The following ZFHX4 variants were observed in gnomAD, a reference collection of about 807,000 sequenced individuals.
ZFHX4 encodes the protein zinc finger homeobox 4.
ZFHX4 carries 56 observed loss-of-function variants against 267.6 expected under a neutral mutation model. That is an observed-to-expected ratio of 0.21 (90% confidence interval 0.17 to 0.26). ZFHX4 has a LOEUF of 0.26. ZFHX4 is among the 10% of genes least tolerant of loss of function. ZFHX4 has a pLI of 1.00. For missense variants in ZFHX4, 4,332 were observed against 4,420.0 expected (o/e 0.98, Z 0.56); for synonymous variants, 1,778 against 1,665.6 (o/e 1.07, Z -1.64).
intron 3 of ZFHX4, chr8:76,708,345 T>G (rs566462045): frequency 4.2e-4 from 139 of 330,962 alleles, no homozygotes; most frequent in African/African-American, 2.9e-3. Context: ...AAATAATACT[T>G]TTTAAACCTA....
chr8:76,820,048 T>G (rs1811608748), intron 4 of ZFHX4, among the ~76,000 whole-genome samples: 2 of 152,196 alleles, frequency 1.3e-5, no homozygotes, highest in African/African-American at 2.4e-5. Flanking sequence ...TTACTTACAT[T>G]TTTCAGTGAA....
At chr8:76,793,806 A>G (rs928478625) in intron 4 of ZFHX4, among the ~76,000 whole-genome samples, 36 of 151,894 alleles carry the variant, frequency 2.4e-4, no homozygotes, top group African/African-American at 8.7e-4. Context: ...TGGTGGTAAG[A>G]TTATCATTAT....
intron 3 of ZFHX4, among the ~76,000 whole-genome samples, chr8:76,760,361 T>C (rs771515155): frequency 6.6e-6 from 1 of 152,172 alleles, no homozygotes; most frequent in Non-Finnish European, 1.5e-5. Context: ...GTCTTTACTA[T>C]TGAGCATCTA....
At chr8:76,747,165 A>T (rs986598512) in intron 3 of ZFHX4, among the ~76,000 whole-genome samples, 1 of 152,158 alleles carries the variant, frequency 6.6e-6, no homozygotes, top group African/African-American at 2.4e-5. Flanking sequence ...GAATTTGTCA[A>T]ATTCCTTTTA....
rs191655698 is a variant in ZFHX4 at position 76,755,519 on chromosome 8, G to A, written c.3094-22689G>A. On this transcript the variant is annotated intron_variant, in intron 3 of 10. Transcript: ENST00000651372. Reference sequence around the variant, plus strand: ...AAGATGCCATAGGTAATATAAAAGCGCGGCTAAACATTATTATTCTCAGTA... The same window carrying A: ...AAGATGCCATAGGTAATATAAAAGCACGGCTAAACATTATTATTCTCAGTA... Among the ~76,000 whole-genome samples the A allele has an allele frequency of 2.4e-4, 37 of 152,176 alleles. No homozygotes were observed. The East Asian group carries it at 2.9e-3, about 12-fold the overall frequency.
intron 3 of ZFHX4, among the ~76,000 whole-genome samples, chr8:76,737,320 T>C (rs1454728188): frequency 6.6e-6 from 1 of 152,194 alleles, no homozygotes; most frequent in East Asian, 1.9e-4. Flanking sequence ...TTAAAAAGCT[T>C]GTGCATTTGT....
At chr8:76,790,337 A>G (rs937136113) in intron 4 of ZFHX4, among the ~76,000 whole-genome samples, 1 of 152,148 alleles carries the variant, frequency 6.6e-6, no homozygotes, top group African/African-American at 2.4e-5. Context: ...AGGCACAGAT[A>G]TTAGATAATC....
rs1452578680 is a variant in ZFHX4, at chr8:76,705,305, T to C, written c.1217T>C (p.Val406Ala). Residue 406 changes from valine (V) to alanine (A), a missense_variant, in exon 2 of 11, where the codon GTG (valine) becomes GCG (alanine). Coordinates refer to ENST00000651372, the MANE Select transcript of ZFHX4 (RefSeq NM_024721.5). ...ATTACCCAAATGCCAAAGGCTGAAG[T>C]GAATCTGGGGGGGCTGTCTAGTTTA... ...LGITQMPKAE[V>A]NLGGLSSLVV... 2 of 1,613,840 alleles carry C rather than the reference T, an allele frequency of 1.2e-6. No individual in the cohort carries two copies. The highest frequency in any genetic ancestry group is 1.7e-6 in the Non-Finnish European group (2 of 1,179,902).
intron 10 of ZFHX4, among the ~76,000 whole-genome samples, chr8:76,861,078 G>C (rs924216831): frequency 3.9e-5 from 6 of 152,108 alleles, no homozygotes; most frequent in Admixed American, 6.5e-5. Flanking sequence ...TTGGATTAAA[G>C]ATCAGAGAGT....
At chr8:76,730,197 A>C (rs1444248620) in intron 3 of ZFHX4, among the ~76,000 whole-genome samples, 1 of 152,138 alleles carries the variant, frequency 6.6e-6, no homozygotes, top group Non-Finnish European at 1.5e-5. Flanking sequence ...CCATCCCCCA[A>C]AGAGGTCCAT....
intron 4 of ZFHX4, among the ~76,000 whole-genome samples, chr8:76,818,635 GT>G (rs1361228355): frequency 5.9e-5 from 9 of 152,120 alleles, no homozygotes; most frequent in Admixed American, 2.0e-4. Flanking sequence ...ATCTAGAACA[GT>G]CACGGTGGCT....
At chr8:76,783,045 A>T (rs543179114) in intron 4 of ZFHX4, among the ~76,000 whole-genome samples, 10 of 151,918 alleles carry the variant, frequency 6.6e-5, no homozygotes, top group Non-Finnish European at 1.5e-4. Context: ...TATTCCTACC[A>T]TTGTTTACCA....
intron 5 of ZFHX4, chr8:76,833,670 A>C (rs1354813751): frequency 2.8e-6 from 1 of 361,962 alleles, no homozygotes; most frequent in Non-Finnish European, 5.2e-6. Context: ...AGCCTCCTTC[A>C]TTATCACTGC....
chr8:76,813,186 A>C (rs1811421006), intron 4 of ZFHX4, among the ~76,000 whole-genome samples: 1 of 152,148 alleles, frequency 6.6e-6, no homozygotes, highest in Non-Finnish European at 1.5e-5. Context: ...GGAGGGGAAG[A>C]ACTCTCTGTT....
intron 1 of ZFHX4, among the ~76,000 whole-genome samples, chr8:76,681,873 T>C (rs1055618883): frequency 6.6e-6 from 1 of 152,058 alleles, no homozygotes; most frequent in Non-Finnish European, 1.5e-5. Flanking sequence ...AAGGTTTTGC[T>C]CCGCTGAGGG....
chr8:76,706,769 C>G (rs1052062725), intron 2 of ZFHX4, 91 bp downstream of exon 2: 12 of 1,339,722 alleles, frequency 9.0e-6, no homozygotes, highest in African/African-American at 1.5e-5. Flanking sequence ...TGAGTGCCAA[C>G]AAATTGAGGA....
At chr8:76,780,681 T>A (rs1810523943) in intron 4 of ZFHX4, among the ~76,000 whole-genome samples, 2 of 152,134 alleles carry the variant, frequency 1.3e-5, no homozygotes, top group African/African-American at 4.8e-5. Context: ...TTTTCAGAGA[T>A]AAGGATAGAT....
At chr8:76,789,259 C>T (rs1810773872) in intron 4 of ZFHX4, among the ~76,000 whole-genome samples, 1 of 152,090 alleles carries the variant, frequency 6.6e-6, no homozygotes, top group African/African-American at 2.4e-5. Flanking sequence ...AACATTTTGG[C>T]TAAATTCTGT....
Position 76,715,481 on chromosome 8 carries a change from T to TAAA in ZFHX4, c.3093+7458_3093+7460dup, listed in dbSNP as rs764567552. On this transcript the variant is annotated intron_variant, in intron 3 of 10. Coordinates refer to ENST00000651372, the MANE Select transcript of ZFHX4 (RefSeq NM_024721.5). ...TGGGCAACAGAACAAGACTCCATCT[T>TAAA]AAAAAAAAAAAAAAAAAAAAAAAAA... Among the ~76,000 whole-genome samples, 16 of 62,344 alleles carry TAAA rather than the reference T, an allele frequency of 2.6e-4. 1 individual carries two copies. The East Asian group carries it at 7.5e-3, about 29-fold the overall frequency. The allele number at this position is 62,344 out of a possible 152,430, so 40.9% of individuals were successfully genotyped here.
Sources: allele counts gnomAD v4.1 joint callset (sites outside exome capture counted in the v4.1 genomes callset), GRCh38; gene constraint gnomAD v4.1.1; transcripts MANE v1.5; gene names NCBI Gene and HGNC (gene_info 2026-07-23, HGNC 2026-07-21).